Variants in CCDC102B observed in about 807,000 individuals in gnomAD.
CCDC102B encodes coiled-coil domain-containing protein 102B.
In CCDC102B, 75 loss-of-function variants were observed where a neutral mutation model predicts 57.4. The observed-to-expected ratio is 1.31, with a 90% CI of 1.08 to 1.58. The LOEUF (loss-of-function observed/expected upper bound fraction) is 1.58, where lower values mean the gene tolerates loss of function less well. CCDC102B is among the 40% of genes most tolerant of loss of function. CCDC102B has a pLI of 0.00. For synonymous variants in CCDC102B, 206 were observed against 201.9 expected (o/e 1.02, Z -0.17); for missense variants, 636 against 582.6 (o/e 1.09, Z -0.94).
At chr18:68,968,692 C>T (rs2050223069) in intron 6 of CCDC102B, among the ~76,000 whole-genome samples, 1 of 152,170 alleles carries the variant, frequency 6.6e-6, no homozygotes, top group Admixed American at 6.5e-5. Flanking sequence ...CACTGAACAA[C>T]TCCCCATAAT....
intron 7 of CCDC102B, among the ~76,000 whole-genome samples, chr18:69,034,711 AATT>A (rs1001561380): frequency 6.6e-6 from 1 of 151,284 alleles, no homozygotes; most frequent in Non-Finnish European, 1.5e-5. Context: ...ATGCATATAT[AATT>A]ATTATTATTA....
At chr18:68,736,880 T>C (rs1461869223) in intron 2 of CCDC102B, among the ~76,000 whole-genome samples, 1 of 152,038 alleles carries the variant, frequency 6.6e-6, no homozygotes, top group Non-Finnish European at 1.5e-5. Context: ...CAATATCTTA[T>C]GTTCTTTTTT....
intron 6 of CCDC102B, among the ~76,000 whole-genome samples, chr18:68,914,917 C>T (rs149127255): frequency 0.013 from 1,900 of 151,282 alleles, 9 homozygotes; most frequent in Non-Finnish European, 0.017. Context: ...TTTCCAAGAA[C>T]CTATGGATGA....
At chr18:69,022,211 A>ATATATATATATATG (rs1555673510) in intron 7 of CCDC102B, among the ~76,000 whole-genome samples, 3 of 37,008 alleles carry the variant, frequency 8.1e-5, no homozygotes, top group African/African-American at 1.8e-4. Context: ...ATATATATAT[A>ATATATATATATATG]TATATATATA....
chr18:68,989,555 A>T (rs1184468374), intron 6 of CCDC102B, among the ~76,000 whole-genome samples: 5 of 152,228 alleles, frequency 3.3e-5, no homozygotes, highest in Admixed American at 2.0e-4. Context: ...CCAGTATGCC[A>T]GTGCTTAGGA....
At chr18:68,953,624 A>G (rs183754715) in intron 6 of CCDC102B, among the ~76,000 whole-genome samples, 3 of 152,238 alleles carry the variant, frequency 2.0e-5, no homozygotes, top group South Asian at 2.1e-4. Context: ...TAAAGTGTCC[A>G]TAATGCAAGA....
chr18:69,017,051 T>C (rs1052006783), intron 7 of CCDC102B, among the ~76,000 whole-genome samples: 1 of 150,724 alleles, frequency 6.6e-6, no homozygotes, highest in Non-Finnish European at 1.5e-5. Context: ...TAATCTCTCA[T>C]CTTTCTGTGT....
At chr18:68,938,993 A>ATTT (rs2049314395) in intron 6 of CCDC102B, among the ~76,000 whole-genome samples, 1 of 151,824 alleles carries the variant, frequency 6.6e-6, no homozygotes, top group Non-Finnish European at 1.5e-5. Flanking sequence ...TTTGAAATAG[A>ATTT]TAACCAATAT....
In CCDC102B at chr18:68,730,457, C is replaced by T. The variant is rs560582573; in HGVS notation, c.-67+13863C>T. On this transcript the variant is annotated intron_variant, in intron 2 of 3. Transcript: ENST00000578970. ...TCACTTAGATACTTTTCCAGGACTC[C>T]GAAGAAATATTTTGGACCTTATTTG... is the stretch of plus-strand genomic sequence containing the variant. Among the ~76,000 whole-genome samples the T allele has an allele frequency of 1.5e-3, 230 of 152,086 alleles. 1 individual carries two copies. The highest frequency in any genetic ancestry group is 5.2e-3 in the African/African-American group (217 of 41,484).
At chr18:68,887,530 C>T (rs2039933663) in intron 5 of CCDC102B, among the ~76,000 whole-genome samples, 1 of 152,142 alleles carries the variant, frequency 6.6e-6, no homozygotes, top group Non-Finnish European at 1.5e-5. Flanking sequence ...TAGGCATTGA[C>T]ATTTGTTTTT....
At chr18:68,774,932 T>G (rs979089597) in intron 2 of CCDC102B, among the ~76,000 whole-genome samples, 32 of 151,442 alleles carry the variant, frequency 2.1e-4, no homozygotes, top group African/African-American at 7.5e-4. Flanking sequence ...AGTTTTTCCA[T>G]TTATTTTAAC....
intron 6 of CCDC102B, chr18:68,900,068 A>G (rs371320970): frequency 3.6e-4 from 55 of 152,268 alleles, no homozygotes; most frequent in African/African-American, 1.3e-3. Flanking sequence ...AGCATAAACC[A>G]ATGTAATAGA....
intron 4 of CCDC102B, chr18:68,866,891 A>G: frequency 1.6e-6 from 1 of 635,702 alleles, no homozygotes; most frequent in South Asian, 1.5e-5. Context: ...CTTCCCTCTC[A>G]TGTATCACAC....
At chr18:68,885,515 C>CA (rs2039853011) in intron 5 of CCDC102B, among the ~76,000 whole-genome samples, 1 of 151,928 alleles carries the variant, frequency 6.6e-6, no homozygotes, top group African/African-American at 2.4e-5. Context: ...AATAAATGAG[C>CA]ACATATAGAT....
intron 6 of CCDC102B, among the ~76,000 whole-genome samples, chr18:68,960,688 C>T (rs2050023881): frequency 6.6e-6 from 1 of 152,202 alleles, no homozygotes; most frequent in Non-Finnish European, 1.5e-5. Context: ...CAGGTTTCCA[C>T]TGCTGTGATG....
intron 7 of CCDC102B, among the ~76,000 whole-genome samples, chr18:69,042,697 A>C (rs915142625): frequency 6.6e-6 from 1 of 152,156 alleles, no homozygotes; most frequent in African/African-American, 2.4e-5. Flanking sequence ...TGGGCCACAG[A>C]TCTACTGAAT....
intron 1 of CCDC102B, among the ~76,000 whole-genome samples, chr18:68,816,797 G>C (rs1202203805): frequency 6.6e-6 from 1 of 152,088 alleles, no homozygotes; most frequent in South Asian, 2.1e-4. Flanking sequence ...AAAAAGTCTT[G>C]CAGAAAATTT....
At chr18:69,032,895 G>GA (rs1002541687) in intron 7 of CCDC102B, among the ~76,000 whole-genome samples, 11 of 150,730 alleles carry the variant, frequency 7.3e-5, no homozygotes, top group Admixed American at 3.3e-4. Flanking sequence ...GACAAGAGAA[G>GA]AAAAAAAAAC....
At chr18:68,918,664 T>A (rs1027054547) in intron 6 of CCDC102B, among the ~76,000 whole-genome samples, 1 of 152,176 alleles carries the variant, frequency 6.6e-6, no homozygotes, top group Non-Finnish European at 1.5e-5. Context: ...GAAGACATAA[T>A]GAGCTTCTGG....
Sources: allele counts gnomAD v4.1 joint callset (sites outside exome capture counted in the v4.1 genomes callset), GRCh38; gene constraint gnomAD v4.1.1; transcripts MANE v1.5; gene names NCBI Gene and HGNC (gene_info 2026-07-23, HGNC 2026-07-21).